Variants in BRWD1 observed in about 807,000 individuals in gnomAD.
BRWD1 encodes bromodomain and WD repeat domain containing 1.
A neutral mutation model predicts 251.2 loss-of-function variants in BRWD1; 82 were observed. That is an observed-to-expected ratio of 0.33 (90% CI 0.27 to 0.39). BRWD1 has a LOEUF of 0.39. BRWD1 is among the 10% of genes least tolerant of loss of function. The pLI is 1.00. For synonymous variants in BRWD1, 918 were observed against 902.8 expected, an observed-to-expected ratio of 1.02 and a Z score of -0.30; for missense variants, 2,233 against 2,711.6, an observed-to-expected ratio of 0.82 and a Z score of 3.92.
At chr21:39,289,157 CTCCTT>C (rs972869803) in intron 8 of BRWD1, among the ~76,000 whole-genome samples, 1 of 151,820 alleles carries the variant, frequency 6.6e-6, no homozygotes, top group African/African-American at 2.4e-5. Context: ...CTGTTTTTTT[CTCCTT>C]TCTTGTTTTA....
intron 11 of BRWD1, 150 bp from the exon 12 acceptor site, chr21:39,276,363 A>C: frequency 1.9e-6 from 1 of 525,868 alleles, no homozygotes; most frequent in Non-Finnish European, 3.2e-6. Context: ...CATGTTTTAT[A>C]ATTTTAAGTG....
intron 39 of BRWD1, among the ~76,000 whole-genome samples, 183 bp from the exon 40 acceptor site, chr21:39,199,845 G>C (rs1381952442): frequency 6.6e-6 from 1 of 152,112 alleles, no homozygotes; most frequent in East Asian, 1.9e-4. Context: ...CTGCCTCCTG[G>C]GTGCAAGCGA....
At chr21:39,248,556 C>T (rs550360175) in intron 20 of BRWD1, among the ~76,000 whole-genome samples, 1 of 146,274 alleles carries the variant, frequency 6.8e-6, no homozygotes, top group Admixed American at 7.1e-5. Flanking sequence ...GAGGATCACT[C>T]AAGCCCAGGA....
At position 39,266,288 on chromosome 21, in the gene BRWD1, A is replaced by G. The variant is rs989737235; in HGVS notation, c.1531-1269T>C. ...TCATATTCTCTTAACATAAAAAGGA[A>G]AAAAATTGTGTGTGTATATATATTA... On this transcript the variant is annotated intron_variant, in intron 15 of 40. Coordinates refer to ENST00000342449, the MANE Select transcript of BRWD1 (RefSeq NM_033656.4). Among the ~76,000 whole-genome samples the G allele has an allele frequency of 1.9e-3, 3 of 1,608 alleles. No homozygotes were observed. The African/African-American group carries it at 0.054, about 29-fold the overall frequency. The allele number at this position is 1,608 out of a possible 152,430, so 1.1% of individuals were successfully genotyped here.
intron 2 of BRWD1, 39 bp from the exon 3 acceptor site, chr21:39,313,140 C>G: frequency 6.7e-7 from 1 of 1,495,410 alleles, no homozygotes. Flanking sequence ...TGGGGTCGGG[C>G]CCGGGGCGCT....
At position 39,196,988 on chromosome 21, in the gene BRWD1, T is replaced by C; in HGVS notation, c.6081A>G (p.Glu2027=). 6.2e-7 allele frequency: 1 copy of C among 1,614,088 alleles called. No individual in the cohort carries two copies. Among genetic ancestry groups the C allele is most frequent in the South Asian group, 1.1e-5 (1 of 91,088 alleles). Residue 2027 remains glutamate (E), a synonymous_variant, in exon 41 of 41, where the codon GAA becomes GAG. Transcript: ENST00000342449. ...GAATATTGGTATGCCTGTGCTTGTG[T>C]TCTGAATTCAACATATCTTCAGAGT... ...DSDSEDMLNS[E]HKHRHTNIHK...
chr21:39,278,610 T>A, intron 10 of BRWD1, 133 bp downstream of exon 10: 4 of 613,770 alleles, frequency 6.5e-6, no homozygotes, highest in Non-Finnish European at 1.1e-5. Context: ...ATAAACATCA[T>A]AAATTGAACC....
chr21:39,314,626 C>T (rs1440992763), upstream of BRWD1: 2 of 339,994 alleles, frequency 5.9e-6, no homozygotes, highest in Admixed American at 8.0e-5. Flanking sequence ...TCCGCGCATC[C>T]AGCCTGCCCT....
Position 39,280,266 on chromosome 21 carries a change from T to C in BRWD1, c.832-18A>G, listed in dbSNP as rs773220402. On this transcript the variant is annotated intron_variant, in intron 8 of 40. Coordinates refer to ENST00000342449, the MANE Select transcript of BRWD1 (RefSeq NM_033656.4). ...GGGCTAAACTAAAAAGTAAAACATATACAATTCAGTTTCCAGAACTTCTAC... is the reference window on the plus strand; with the variant it reads ...GGGCTAAACTAAAAAGTAAAACATACACAATTCAGTTTCCAGAACTTCTAC... The C allele has an allele frequency of 2.6e-6, 4 of 1,559,116 alleles. No individual in the cohort carries two copies. Among genetic ancestry groups the C allele is most frequent in the African/African-American group, 2.7e-5 (2 of 72,870 alleles).
At chr21:39,304,240 A>G (rs2036213681) in intron 4 of BRWD1, among the ~76,000 whole-genome samples, 1 of 151,662 alleles carries the variant, frequency 6.6e-6, no homozygotes, top group African/African-American at 2.4e-5. Context: ...TAATCAAAAA[A>G]AAAAAGTGAG....
chr21:39,265,294 G>A (rs982056636), intron 15 of BRWD1, among the ~76,000 whole-genome samples: 2 of 152,004 alleles, frequency 1.3e-5, no homozygotes, highest in Admixed American at 1.3e-4. Context: ...GCGTGGCAGT[G>A]TGCGTCTGTA....
chr21:39,187,393 G>C lies in BRWD1; in HGVS notation c.*8866C>G. The C allele has an allele frequency of 6.3e-7, 1 of 1,579,046 alleles. No homozygotes were observed. The highest frequency in any genetic ancestry group is 8.6e-7 in the Non-Finnish European group (1 of 1,164,740). Reference sequence around the variant, plus strand: ...CATACATGTTCTCACTTTTGTATTGGGTTCTCTGTCTCTAGGAACAAATTC... The same window carrying C: ...CATACATGTTCTCACTTTTGTATTGCGTTCTCTGTCTCTAGGAACAAATTC... On this transcript the variant is annotated 3_prime_UTR_variant, in exon 41 of 41. Coordinates refer to ENST00000342449, the MANE Select transcript of BRWD1 (RefSeq NM_033656.4).
chr21:39,254,326 G>C (rs2034493714), intron 19 of BRWD1, among the ~76,000 whole-genome samples: 1 of 152,116 alleles, frequency 6.6e-6, no homozygotes, highest in African/African-American at 2.4e-5. Flanking sequence ...TTCAGATATA[G>C]GTCAAAAATT....
chr21:39,249,544 A>G (rs995724145), intron 20 of BRWD1, among the ~76,000 whole-genome samples: 1 of 152,220 alleles, frequency 6.6e-6, no homozygotes, highest in Admixed American at 6.5e-5. Context: ...AAGGCATGCC[A>G]TTCCCCAACC....
chr21:39,270,398 G>T lies in BRWD1; in HGVS notation c.1280C>A (p.Pro427His). Residue 427 changes from proline to histidine, a missense_variant, in exon 14 of 41, where the codon CCT becomes CAT. Pro to His is a moderately conservative substitution (Grantham distance 77). Around this residue, in one of 12 missense-constraint regions of BRWD1, gnomAD observed 315 missense variants for 421.8 expected, o/e 0.75. Coordinates refer to ENST00000342449, the MANE Select transcript of BRWD1 (RefSeq NM_033656.4). ...ATTCCAAGCTATCATTGTTACTTTA[G>T]GTTTCATAAACCTTTCCTCTTCGGA... Reference protein sequence around the residue: ...LSSEEERFMKPKVTMIAWNQN... With the variant: ...LSSEEERFMKHKVTMIAWNQN... 1 of 1,611,282 alleles carries T rather than the reference G, an allele frequency of 6.2e-7. No individual in the cohort carries two copies.
intron 1 of BRWD1, 51 bp downstream of exon 1, chr21:39,313,392 C>T: frequency 6.8e-7 from 1 of 1,470,422 alleles, no homozygotes. Context: ...GCCGGGGAAG[C>T]CGAAGCAGCC....
chr21:39,285,787 A>G (rs1261099679), intron 8 of BRWD1, among the ~76,000 whole-genome samples: 1 of 143,182 alleles, frequency 7.0e-6, no homozygotes, highest in East Asian at 2.1e-4. Flanking sequence ...AAACTTAGCC[A>G]GGTGTGGTGA....
intron 28 of BRWD1, 31 bp downstream of exon 28, chr21:39,225,055 G>A (rs758499758): frequency 1.4e-6 from 2 of 1,409,158 alleles, no homozygotes; most frequent in Non-Finnish European, 2.0e-6. Context: ...TGAATTACTG[G>A]GAAATGATTA....
In BRWD1 at chr21:39,247,847, A is replaced by G; in HGVS notation, c.2350-15T>C. On this transcript the variant is annotated splice_polypyrimidine_tract_variant and intron_variant, in intron 20 of 40. Transcript: ENST00000342449. ...ACTGAATCCGACTGAAACACAGAAA[A>G]ACATGCGAATGAAAATCAACACCTA... The G allele has an allele frequency of 6.3e-7, 1 of 1,584,448 alleles. No individual in the cohort carries two copies. Among genetic ancestry groups the G allele is most frequent in the Non-Finnish European group, 8.6e-7 (1 of 1,166,960 alleles).
Sources: allele counts gnomAD v4.1 joint callset (sites outside exome capture counted in the v4.1 genomes callset), GRCh38; gene constraint gnomAD v4.1.1; regional missense constraint gnomAD v4.1.1; transcripts MANE v1.5; gene names NCBI Gene and HGNC (gene_info 2026-07-23, HGNC 2026-07-21).